TMEM134: variants seen among roughly 807,000 people sequenced by gnomAD.
TMEM134 encodes the protein transmembrane protein 134.
A neutral mutation model predicts 26.2 loss-of-function variants in TMEM134; 36 were observed. The observed-to-expected ratio is 1.37, with a 90% CI of 1.05 to 1.81. TMEM134 has a LOEUF of 1.81. TMEM134 is among the 40% of genes most tolerant of loss of function. TMEM134 has a pLI of 0.00. For missense variants in TMEM134, 339 were observed against 263.5 expected (o/e 1.29, Z -1.98); for synonymous variants, 133 against 113.6 (o/e 1.17, Z -1.08).
At chr11:67,468,321 A>T in intron 1 of TMEM134, 1 of 549,156 alleles carries the variant, frequency 1.8e-6, no homozygotes, top group Non-Finnish European at 3.3e-6. Flanking sequence ...ATCCCAGGGA[A>T]AGGAGAGCTC....
rs762732385 is a variant in TMEM134, at chr11:67,467,489, G to A, written c.329+12C>T. ...GGGCTGCTCGGCTGGGGGCTTAGGC[G>A]GGCAGGCTCACCTGCAGCAGGTGTT... On this transcript the variant is annotated intron_variant, in intron 3 of 6. Coordinates refer to ENST00000308022, the MANE Select transcript of TMEM134 (RefSeq NM_025124.4). The A allele has an allele frequency of 5.6e-6, 9 of 1,613,660 alleles. No homozygotes were observed. The highest frequency in any genetic ancestry group is 2.7e-5 in the African/African-American group (2 of 74,912).
Position 67,464,696 on chromosome 11 carries a change from A to C in TMEM134, c.506T>G (p.Val169Gly). The change falls in exon 7 of 7, where the codon GTC (valine) becomes GGC (glycine). Residue 169 changes from valine (V) to glycine (G), a missense_variant and splice_region_variant. Coordinates refer to ENST00000308022, the MANE Select transcript of TMEM134 (RefSeq NM_025124.4). ...VPGFLLLVPG[V>G]YHVIFIYCAV... ...GCAGTAGATGAAGATCACGTGATAG[A>C]CTGCGGGGCGGGGCCTGTCAGCGCA... 1 of 1,552,562 alleles carries C rather than the reference A, an allele frequency of 6.4e-7. No individual in the cohort carries two copies. Among genetic ancestry groups the C allele is most frequent in the East Asian group, 2.4e-5 (1 of 41,158 alleles).
At position 67,467,937 on chromosome 11, in the gene TMEM134, A is replaced by G. The variant is rs1055829593; in HGVS notation, c.239+91T>C. On this transcript the variant is annotated intron_variant, in intron 2 of 6. Transcript: ENST00000308022. ...GAATCAATAGGACGGGATGGAAGAG[A>G]GTGAGTGAAGTGGGGTGGGTGACTG... 3.7e-5 allele frequency: 43 copies of G among 1,174,212 alleles called. No homozygotes were observed. The African/African-American group carries it at 6.2e-4, about 17-fold the overall frequency. The allele number at this position is 1,174,212 out of a possible 1,614,324, so 72.7% of individuals were successfully genotyped here. A position where few individuals can be genotyped will look rare whatever the true frequency, so the allele number is the denominator to read the frequency against.
At position 67,464,244 on chromosome 11, in the gene TMEM134, T is replaced by C. The variant is rs117556422; in HGVS notation, c.*370A>G. ...CCTCAGCATCAGGGCTGCCACGCGT[T>C]CGGTGGTGCTCGAAGCCCTTCAGCG... On this transcript the variant is annotated 3_prime_UTR_variant, in exon 7 of 7. Coordinates refer to ENST00000308022, the MANE Select transcript of TMEM134 (RefSeq NM_025124.4). 3,968 of 340,494 alleles carry C rather than the reference T, an allele frequency of 0.012. 40 individuals carry two copies. The highest frequency in any genetic ancestry group is 0.017 in the Non-Finnish European group (3,049 of 180,412). 21.1% of individuals were successfully genotyped at this position (340,494 alleles called of 1,614,324 possible).
intron 5 of TMEM134, 83 bp from the exon 6 acceptor site, chr11:67,464,939 G>T: frequency 6.4e-7 from 1 of 1,558,062 alleles, no homozygotes; most frequent in East Asian, 2.3e-5. Context: ...GCCCGGGCAA[G>T]CCTCACTCCC....
At chr11:67,467,691 C>A (rs1238974769) in intron 2 of TMEM134, 101 bp from the exon 3 acceptor site, 14 of 1,231,838 alleles carry the variant, frequency 1.1e-5, no homozygotes, top group Non-Finnish European at 1.5e-5. Context: ...GGGACTGGGG[C>A]TGGCCCCTTG....
In TMEM134 at chr11:67,467,361, C is replaced by A; in HGVS notation, c.357G>T (p.Lys119Asn). ...AGGAGGCCAGCACCACTCGGCGGTT[C>A]TTCTGGATCAAAGGGTGTTGGGTCC... The part of the protein sequence containing the change: ...CSWTQHPLIQ[K>N]NRRVVLASFL... Residue 119 changes from lysine to asparagine, a missense_variant, in exon 4 of 7, where the codon AAG (lysine) becomes AAT (asparagine). Coordinates refer to ENST00000308022, the MANE Select transcript of TMEM134 (RefSeq NM_025124.4). The A allele has an allele frequency of 6.2e-7, 1 of 1,613,906 alleles. No homozygotes were observed. Among genetic ancestry groups the A allele is most frequent in the African/African-American group, 1.3e-5 (1 of 75,030 alleles).
chr11:67,467,666 G>T, intron 2 of TMEM134, 76 bp from the exon 3 acceptor site: 1 of 1,420,090 alleles, frequency 7.0e-7, no homozygotes, highest in Non-Finnish European at 9.9e-7. Flanking sequence ...CTGATGAAGT[G>T]CAGGGCATGG....
chr11:67,467,023 A>C (rs1401396937), intron 4 of TMEM134: 6 of 487,570 alleles, frequency 1.2e-5, no homozygotes, highest in Non-Finnish European at 1.8e-5. Context: ...GGTAGCTGCT[A>C]CTCTTCTGTC....
intron 4 of TMEM134, chr11:67,467,059 T>C: frequency 3.5e-6 from 2 of 574,878 alleles, no homozygotes; most frequent in Non-Finnish European, 6.2e-6. Flanking sequence ...ACAGGTTAAA[T>C]TTTTTAAAAA....
chr11:67,469,031 C>T lies in TMEM134; in HGVS notation c.162G>A (p.Arg54=), dbSNP rs1486274812. The stretch of plus-strand genomic sequence containing the variant: ...CCGGGCGGTTCACCTGGTAGCGCAG[C>T]CGGGACTGCTTGTCCTCGTCAGCCA... The part of the protein sequence containing the change: ...FEVADEDKQS[R]LRYQNLENDE... Residue 54 remains arginine, a synonymous_variant, in exon 1 of 7, where the codon CGG becomes CGA. Transcript: ENST00000308022. The T allele has an allele frequency of 6.6e-7, 1 of 1,510,558 alleles. No homozygotes were observed. 93.6% of individuals were successfully genotyped at this position (1,510,558 alleles called of 1,614,324 possible).
At chr11:67,465,159 C>T in intron 4 of TMEM134, 59 bp from the exon 5 acceptor site, 1 of 1,534,064 alleles carries the variant, frequency 6.5e-7, no homozygotes. Flanking sequence ...GCGGGGGCTC[C>T]CACCCCCAGC....
At chr11:67,465,296 T>C (rs1329396852) in intron 4 of TMEM134, 196 bp from the exon 5 acceptor site, 41 of 1,401,866 alleles carry the variant, frequency 2.9e-5, no homozygotes, top group Non-Finnish European at 3.8e-5. Flanking sequence ...GAGAGATTTT[T>C]CTTTGTTCCT....
At chr11:67,465,020 G>A in intron 5 of TMEM134, 36 bp downstream of exon 5, 1 of 1,519,114 alleles carries the variant, frequency 6.6e-7, no homozygotes, top group Non-Finnish European at 9.0e-7. Flanking sequence ...CAAGACAGGG[G>A]TGTCCTCTGC....
intron 2 of TMEM134, chr11:67,467,822 G>A (rs970190518): frequency 7.6e-6 from 5 of 655,414 alleles, no homozygotes; most frequent in African/African-American, 3.6e-5. Context: ...CAGACTGGGG[G>A]TTTCTGAAAG....
In TMEM134 at chr11:67,464,416, C is replaced by T. The variant is rs1047149; in HGVS notation, c.*198G>A. The T allele has an allele frequency of 4.8e-6, 3 of 619,090 alleles. No individual in the cohort carries two copies. The highest frequency in any genetic ancestry group is 1.9e-5 in the South Asian group (1 of 51,676). The allele number at this position is 619,090 out of a possible 1,614,324, so 38.3% of individuals were successfully genotyped here. On this transcript the variant is annotated 3_prime_UTR_variant, in exon 7 of 7. Coordinates refer to ENST00000308022, the MANE Select transcript of TMEM134 (RefSeq NM_025124.4). The stretch of plus-strand genomic sequence containing the variant: ...ACAGCAACCTAGCAGCCGCACGGCC[C>T]GAGAATAAGTTAAGGCACAGAGCAG...
At position 67,464,554 on chromosome 11, in the gene TMEM134, G is replaced by A. The variant is rs936648935; in HGVS notation, c.*60C>T. ...AGGGCCTCTTCCCTTGAGATGAGGG[G>A]AACGGAACAGGGCAAGAGGGGCGCC... On this transcript the variant is annotated 3_prime_UTR_variant, in exon 7 of 7. Coordinates refer to ENST00000308022, the MANE Select transcript of TMEM134 (RefSeq NM_025124.4). The A allele has an allele frequency of 3.3e-6, 5 of 1,509,296 alleles. No individual in the cohort carries two copies. Among genetic ancestry groups the A allele is most frequent in the Middle Eastern group, 3.4e-4 (2 of 5,932 alleles). 93.5% of individuals were successfully genotyped at this position (1,509,296 alleles called of 1,614,324 possible).
At position 67,464,418 on chromosome 11, in the gene TMEM134, A is replaced by G; in HGVS notation, c.*196T>C. ...AGCAACCTAGCAGCCGCACGGCCCGAGAATAAGTTAAGGCACAGAGCAGGC... is the reference window on the plus strand; with the variant it reads ...AGCAACCTAGCAGCCGCACGGCCCGGGAATAAGTTAAGGCACAGAGCAGGC... On this transcript the variant is annotated 3_prime_UTR_variant, in exon 7 of 7. Coordinates refer to ENST00000308022, the MANE Select transcript of TMEM134 (RefSeq NM_025124.4). 1.6e-6 allele frequency: 1 copy of G among 620,232 alleles called. No homozygotes were observed. 38.4% of individuals were successfully genotyped at this position (620,232 alleles called of 1,614,324 possible). A position where few individuals can be genotyped will look rare whatever the true frequency, so the allele number is the denominator to read the frequency against.
Position 67,467,482 on chromosome 11 carries a change from C to A in TMEM134, c.329+19G>T. 1 of 1,613,632 alleles carries A rather than the reference C, an allele frequency of 6.2e-7. No individual in the cohort carries two copies. On this transcript the variant is annotated intron_variant, in intron 3 of 6. Transcript: ENST00000308022. ...GGAGCCAGGGCTGCTCGGCTGGGGG[C>A]TTAGGCGGGCAGGCTCACCTGCAGC...
Sources: gnomAD v4.1 joint callset for allele counts on GRCh38, gnomAD v4.1.1 for gene constraint, MANE v1.5 for transcripts, NCBI Gene and HGNC (gene_info 2026-07-23, HGNC 2026-07-21) for gene names.